ESRRG: variants seen among roughly 807,000 people sequenced by gnomAD.
The protein encoded by ESRRG is estrogen related receptor gamma.
ESRRG carries 13 observed loss-of-function variants against 44.0 expected under a neutral mutation model. That is an observed-to-expected ratio of 0.30 (90% CI 0.19 to 0.47). ESRRG has a LOEUF of 0.47. Ranked by LOEUF, ESRRG falls within the 20% of genes least tolerant of loss-of-function variation. ESRRG has a pLI of 1.00. For synonymous variants in ESRRG, 215 were observed against 214.6 expected, an observed-to-expected ratio of 1.00 and a Z score of -0.02; for missense variants, 395 against 580.6, an observed-to-expected ratio of 0.68 and a Z score of 3.29.
chr1:216,856,408 G>A lies in ESRRG; in HGVS notation c.-14+83174C>T, dbSNP rs374668504. 1.7e-3 allele frequency among the ~76,000 whole-genome samples: 260 copies of A among 149,200 alleles called. 2 individuals are homozygous for A. Among genetic ancestry groups the A allele is most frequent in the African/African-American group, 6.1e-3 (245 of 40,476 alleles). On this transcript the variant is annotated intron_variant, in intron 2 of 7. Transcript: ENST00000359162. ...ACACACACTTGGAACGAACAGAAGC[G>A]ATTCGAGAGTGAAGAAATTCATCTT...
At chr1:216,578,070 T>C (rs942900973) in intron 3 of ESRRG, among the ~76,000 whole-genome samples, 6 of 152,100 alleles carry the variant, frequency 3.9e-5, no homozygotes, top group African/African-American at 7.2e-5. Context: ...GTGATCATTA[T>C]AACTTGGCAA....
At chr1:216,905,194 T>C (rs2059551264) in intron 2 of ESRRG, among the ~76,000 whole-genome samples, 1 of 152,148 alleles carries the variant, frequency 6.6e-6, no homozygotes. Flanking sequence ...CAGAATGCAT[T>C]GCACACGCCT....
intron 2 of ESRRG, among the ~76,000 whole-genome samples, chr1:216,750,451 T>A (rs941217047): frequency 6.6e-6 from 1 of 152,112 alleles, no homozygotes; most frequent in Non-Finnish European, 1.5e-5. Flanking sequence ...TGTGGTCTTT[T>A]AAAAAAATAT....
intron 3 of ESRRG, among the ~76,000 whole-genome samples, chr1:216,609,713 A>G (rs1450037427): frequency 6.6e-6 from 1 of 152,246 alleles, no homozygotes; most frequent in Non-Finnish European, 1.5e-5. Flanking sequence ...TCTTAAGATA[A>G]TCTGCCATGA....
intron 5 of ESRRG, among the ~76,000 whole-genome samples, chr1:216,537,384 C>G (rs945665580): frequency 2.0e-5 from 3 of 151,966 alleles, no homozygotes; most frequent in Admixed American, 6.6e-5. Context: ...TATAAGCCAC[C>G]CATTCTATGG....
At chr1:216,751,558 C>G (rs1371473975) in intron 2 of ESRRG, among the ~76,000 whole-genome samples, 1 of 152,012 alleles carries the variant, frequency 6.6e-6, no homozygotes, top group African/African-American at 2.4e-5. Context: ...CCTTTCACTG[C>G]CTGCCCCTCC....
chr1:216,760,182 A>G (rs183870584), intron 2 of ESRRG, among the ~76,000 whole-genome samples: 139 of 152,142 alleles, frequency 9.1e-4, no homozygotes, highest in African/African-American at 3.2e-3. Flanking sequence ...GTGGTGCCCA[A>G]TAAATACTGC....
intron 2 of ESRRG, among the ~76,000 whole-genome samples, chr1:216,829,127 A>G (rs1055133688): frequency 1.3e-5 from 2 of 152,140 alleles, no homozygotes. Context: ...TGGCTGTGAA[A>G]ATCAATTTAC....
rs779064396 is a variant in ESRRG, at chr1:216,564,256, C to T, written c.825G>A (p.Glu275=). Residue 275 remains glutamate (E), a synonymous_variant, in exon 5 of 7, where the codon GAG becomes GAA. Coordinates refer to ENST00000408911, the MANE Select transcript of ESRRG (RefSeq NM_001438.4). ...LTTLCDLADR[E]LVVIIGWAKH... Reference sequence around the variant, plus strand: ...TCGCCCATCCAATGATAACCACCAACTCTCGGTCGGCCAAGTCACACAGTG... The same window carrying T: ...TCGCCCATCCAATGATAACCACCAATTCTCGGTCGGCCAAGTCACACAGTG... The T allele has an allele frequency of 3.8e-6, 6 of 1,584,364 alleles. No individual in the cohort carries two copies. In the East Asian group the frequency reaches 1.2e-4, roughly 30 times the overall value.
chr1:216,902,988 C>G (rs192509220), intron 2 of ESRRG, among the ~76,000 whole-genome samples: 27 of 152,248 alleles, frequency 1.8e-4, no homozygotes, highest in African/African-American at 6.5e-4. Context: ...TTATGAATGG[C>G]CTTTGTGTGA....
chr1:216,725,697 C>CA (rs1341061459), upstream of ESRRG, among the ~76,000 whole-genome samples: 4 of 151,998 alleles, frequency 2.6e-5, no homozygotes, highest in Admixed American at 1.3e-4. Context: ...AAGATACACA[C>CA]ACACACAAAA....
chr1:216,788,504 C>A (rs1390902128), intron 2 of ESRRG, among the ~76,000 whole-genome samples: 1 of 152,032 alleles, frequency 6.6e-6, no homozygotes, highest in Non-Finnish European at 1.5e-5. Flanking sequence ...AAAGCAGAAG[C>A]AAAATATTAC....
At chr1:217,035,577 T>C (rs1378375607) in intron 1 of ESRRG, among the ~76,000 whole-genome samples, 1 of 150,770 alleles carries the variant, frequency 6.6e-6, no homozygotes, top group African/African-American at 2.4e-5. Context: ...AAGTGAGCTA[T>C]AAACAGAAAA....
intron 1 of ESRRG, among the ~76,000 whole-genome samples, 179 bp downstream of exon 1, chr1:216,723,065 G>C (rs867592762): frequency 2.6e-5 from 4 of 151,970 alleles, no homozygotes; most frequent in Middle Eastern, 3.2e-3. Flanking sequence ...AACAATTCTC[G>C]ACTTACTGAA....
At chr1:216,561,997 G>A (rs1221968631) in intron 5 of ESRRG, among the ~76,000 whole-genome samples, 1 of 152,134 alleles carries the variant, frequency 6.6e-6, no homozygotes, top group Non-Finnish European at 1.5e-5. Context: ...AAAGTCACTA[G>A]AGCCCCTTTA....
chr1:216,532,258 G>A (rs1414366400), intron 5 of ESRRG, among the ~76,000 whole-genome samples: 1 of 152,096 alleles, frequency 6.6e-6, no homozygotes, highest in Non-Finnish European at 1.5e-5. Context: ...TGGTTAAGAT[G>A]CCATGGATTA....
rs147638022 is a variant in ESRRG at position 216,719,966 on chromosome 1, C to A, written c.56+3278G>T. Among the ~76,000 whole-genome samples the A allele has an allele frequency of 1.2e-4, 18 of 152,096 alleles. No homozygotes were observed. In the East Asian group the frequency reaches 3.3e-3, roughly 28 times the overall value. Reference sequence around the variant, plus strand: ...AAAAAGGGATTTTTAAACTTACCACCAAATGTGTATAGGGTAATACATAAA... The same window carrying A: ...AAAAAGGGATTTTTAAACTTACCACAAAATGTGTATAGGGTAATACATAAA... On this transcript the variant is annotated intron_variant, in intron 1 of 6. Transcript: ENST00000408911.
At chr1:216,961,854 A>T (rs2069165341) in intron 1 of ESRRG, among the ~76,000 whole-genome samples, 1 of 152,180 alleles carries the variant, frequency 6.6e-6, no homozygotes, top group African/African-American at 2.4e-5. Context: ...ATTGAAAACC[A>T]TTTGGCTAAA....
intron 3 of ESRRG, among the ~76,000 whole-genome samples, chr1:216,624,152 A>C (rs926962428): frequency 3.9e-5 from 6 of 152,198 alleles, no homozygotes; most frequent in African/African-American, 1.4e-4. Flanking sequence ...CTTTCTCCCT[A>C]AGCCATAGGC....
Sources: allele counts gnomAD v4.1 joint callset (sites outside exome capture counted in the v4.1 genomes callset), GRCh38; gene constraint gnomAD v4.1.1; transcripts MANE v1.5; gene names NCBI Gene and HGNC (gene_info 2026-07-23, HGNC 2026-07-21).